Variants in TMEM260 observed in about 807,000 individuals in gnomAD.
The protein encoded by TMEM260 is transmembrane protein 260.
In TMEM260, 82 loss-of-function variants were observed where a neutral mutation model predicts 88.9. That is an observed-to-expected ratio of 0.92 (90% CI 0.77 to 1.11). The LOEUF is 1.11. Ranked by LOEUF, TMEM260 falls within the 50% of genes least tolerant of loss-of-function variation. TMEM260 has a pLI of 0.00. For missense variants in TMEM260, 902 were observed against 853.4 expected (o/e 1.06, Z -0.71); for synonymous variants, 314 against 309.3 (o/e 1.02, Z -0.16).
Position 56,626,914 on chromosome 14 carries a change from T to C in TMEM260, c.1547+1384T>C, listed in dbSNP as rs17091836. Among the ~76,000 whole-genome samples the C allele has an allele frequency of 8.4e-3, 1,285 of 152,296 alleles. 33 individuals carry two copies. The highest frequency in any genetic ancestry group is 0.084 in the East Asian group (436 of 5,180). On this transcript the variant is annotated intron_variant, in intron 12 of 15. Coordinates refer to ENST00000261556, the MANE Select transcript of TMEM260 (RefSeq NM_017799.4). ...TCCACTCACCTTTAACATAAATGACTTATTTTTAAAACATACACATATTCA... is the reference window on the plus strand; with the variant it reads ...TCCACTCACCTTTAACATAAATGACCTATTTTTAAAACATACACATATTCA...
At position 56,599,614 on chromosome 14, in the gene TMEM260, A is replaced by G. The variant is rs568316429; in HGVS notation, c.345-4201A>G. On this transcript the variant is annotated intron_variant, in intron 3 of 15. Transcript: ENST00000261556. The stretch of plus-strand genomic sequence containing the variant: ...AACTTTAAAAAAAATTTGTATTAGC[A>G]GAGGAGTCTTCTTATACATGTAGCT... 1.2e-4 allele frequency among the ~76,000 whole-genome samples: 18 copies of G among 152,338 alleles called. No individual in the cohort carries two copies. The East Asian group carries it at 3.1e-3, about 26-fold the overall frequency.
chr14:56,635,012 A>G (rs560067202), intron 14 of TMEM260, 60 bp downstream of exon 14: 114 of 1,470,460 alleles, frequency 7.8e-5, no homozygotes, highest in Non-Finnish European at 9.9e-5. Context: ...GAAGTAGCTT[A>G]TGGCACTTTT....
chr14:56,640,516 C>T (rs945715865), intron 15 of TMEM260, among the ~76,000 whole-genome samples: 12 of 151,994 alleles, frequency 7.9e-5, no homozygotes, highest in African/African-American at 2.4e-4. Flanking sequence ...CATCAAAGAC[C>T]GAAGGTAGAT....
chr14:56,589,107 A>G (rs1885693517), intron 3 of TMEM260, among the ~76,000 whole-genome samples: 1 of 152,142 alleles, frequency 6.6e-6, no homozygotes, highest in Non-Finnish European at 1.5e-5. Flanking sequence ...GGAGTACTGA[A>G]GTCACTATCA....
At position 56,618,700 on chromosome 14, in the gene TMEM260, T is replaced by A. The variant is rs1887732713; in HGVS notation, c.1163T>A (p.Leu388His). The change falls in exon 10 of 16, where the codon CTT (leucine) becomes CAT (histidine). Residue 388 changes from leucine to histidine, a missense_variant. By Grantham distance (99) the Leu-to-His change is moderately conservative (BLOSUM62 -3). Coordinates refer to ENST00000261556, the MANE Select transcript of TMEM260 (RefSeq NM_017799.4). ...AACCGAGTGCTGAATAGCAATGGGC[T>A]TCAGTGTCTGGAATGGCTTTCTGCA... Reference protein sequence around the residue: ...ETNRVLNSNGLQCLEWLSATL... With the variant: ...ETNRVLNSNGHQCLEWLSATL... The A allele has an allele frequency of 1.9e-6, 3 of 1,614,220 alleles. No homozygotes were observed. In the East Asian group the frequency reaches 6.7e-5, roughly 36 times the overall value.
At position 56,609,194 on chromosome 14, in the gene TMEM260, T is replaced by C. The variant is rs775072674; in HGVS notation, c.725T>C (p.Leu242Pro). ...GTCCACCTTCCCATCTCATCTTACC[T>C]TAATCACGCCCGGTGGACCTGGGGA... Reference protein sequence around the residue: ...PYVHLPISSYLNHARWTWGDQ... With the variant: ...PYVHLPISSYPNHARWTWGDQ... Residue 242 changes from leucine (L) to proline (P), a missense_variant, in exon 6 of 16, where the codon CTT becomes CCT. By Grantham distance (98) the Leu-to-Pro change is moderately conservative. Coordinates refer to ENST00000261556, the MANE Select transcript of TMEM260 (RefSeq NM_017799.4). 1 of 1,614,170 alleles carries C rather than the reference T, an allele frequency of 6.2e-7. No individual in the cohort carries two copies. The highest frequency in any genetic ancestry group is 8.5e-7 in the Non-Finnish European group (1 of 1,180,026).
At chr14:56,649,744 C>CT (rs544252192), downstream of TMEM260, among the ~76,000 whole-genome samples, 37 of 152,230 alleles carry the variant, frequency 2.4e-4, 1 homozygote, top group South Asian at 7.5e-3. Flanking sequence ...AAATATGTGT[C>CT]TGTACTATAG....
At chr14:56,629,569 AT>A (rs1888454684) in intron 12 of TMEM260, among the ~76,000 whole-genome samples, 1 of 152,068 alleles carries the variant, frequency 6.6e-6, no homozygotes, top group Non-Finnish European at 1.5e-5. Flanking sequence ...CTCTTGTATG[AT>A]TTCCCTTCGT....
intron 3 of TMEM260, among the ~76,000 whole-genome samples, chr14:56,593,739 G>A (rs955768268): frequency 7.9e-5 from 10 of 127,270 alleles, no homozygotes; most frequent in Non-Finnish European, 1.6e-4. Flanking sequence ...CCAGGCTGGA[G>A]TGCAGTGGCG....
intron 13 of TMEM260, 190 bp downstream of exon 13, chr14:56,633,361 A>G (rs2139627874): frequency 6.3e-6 from 3 of 474,828 alleles, no homozygotes; most frequent in African/African-American, 3.9e-5. Context: ...CTTACAGAAC[A>G]ATGGGGAGAG....
chr14:56,659,261 GTT>G, the TMEM260 span, among the ~76,000 whole-genome samples: 6 of 140,382 alleles, frequency 4.3e-5, no homozygotes, highest in Admixed American at 7.1e-5. Flanking sequence ...TTTGGTTTTT[GTT>G]TTTTTTTTTT....
In TMEM260 at chr14:56,621,515, G is replaced by T; in HGVS notation, c.1227-16G>T. ...AAAGTGTTGCTATTTTAATTTTTTT[G>T]GATCCTTTTATTTAGTGTTTGTGAC... On this transcript the variant is annotated splice_polypyrimidine_tract_variant and intron_variant, in intron 10 of 15. Coordinates refer to ENST00000261556, the MANE Select transcript of TMEM260 (RefSeq NM_017799.4). The T allele has an allele frequency of 1.3e-6, 2 of 1,571,272 alleles. No homozygotes were observed. The highest frequency in any genetic ancestry group is 1.9e-5 in the Admixed American group (1 of 52,786).
chr14:56,588,526 A>G (rs1184951425), intron 3 of TMEM260, among the ~76,000 whole-genome samples: 3 of 152,002 alleles, frequency 2.0e-5, no homozygotes, highest in Non-Finnish European at 4.4e-5. Context: ...TCTTGCTTTT[A>G]AAAGCTGTAA....
At position 56,602,082 on chromosome 14, in the gene TMEM260, G is replaced by T. The variant is rs770708282; in HGVS notation, c.345-1733G>T. On this transcript the variant is annotated intron_variant, in intron 3 of 15. Transcript: ENST00000261556. Reference sequence around the variant, plus strand: ...ATACTTTAATTTGTTCTTTCATTCAGTAAGTTTCCTTTGTGTGTTTGGGGC... The same window carrying T: ...ATACTTTAATTTGTTCTTTCATTCATTAAGTTTCCTTTGTGTGTTTGGGGC... 2.0e-5 allele frequency among the ~76,000 whole-genome samples: 3 copies of T among 152,076 alleles called. 1 individual carries two copies. The highest frequency in any genetic ancestry group is 1.3e-4 in the Admixed American group (2 of 15,250).
chr14:56,601,409 A>C (rs1444783204), intron 3 of TMEM260, among the ~76,000 whole-genome samples: 1 of 152,144 alleles, frequency 6.6e-6, no homozygotes, highest in Non-Finnish European at 1.5e-5. Flanking sequence ...TAGATTGGGA[A>C]GCATATGATG....
At chr14:56,636,131 G>T (rs1279168748) in intron 14 of TMEM260, among the ~76,000 whole-genome samples, 1 of 152,202 alleles carries the variant, frequency 6.6e-6, no homozygotes, top group African/African-American at 2.4e-5. Context: ...CACCTTGGAA[G>T]AACTGGGCAC....
chr14:56,645,970 T>C (rs1017452537), intron 15 of TMEM260, among the ~76,000 whole-genome samples: 2 of 152,242 alleles, frequency 1.3e-5, no homozygotes, highest in Non-Finnish European at 2.9e-5. Context: ...TTTTATTTTT[T>C]ATAACTAGAG....
chr14:56,633,251 C>A, intron 13 of TMEM260, 80 bp downstream of exon 13: 1 of 1,214,868 alleles, frequency 8.2e-7, no homozygotes, highest in Non-Finnish European at 1.1e-6. Context: ...TTTTGAGATG[C>A]CTTCTAATTT....
chr14:56,658,087 C>T, the TMEM260 span, among the ~76,000 whole-genome samples: 1 of 152,134 alleles, frequency 6.6e-6, no homozygotes, highest in South Asian at 2.1e-4. Context: ...TTAAAGCCAC[C>T]ACGCAAATTT....
Sources: gnomAD v4.1 joint callset for allele counts (sites outside exome capture counted in the v4.1 genomes callset) on GRCh38, gnomAD v4.1.1 for gene constraint, MANE v1.5 for transcripts, NCBI Gene and HGNC (gene_info 2026-07-23, HGNC 2026-07-21) for gene names.